ADCY3: variants seen among roughly 807,000 people sequenced by gnomAD.
ADCY3 encodes the protein adenylate cyclase 3.
A neutral mutation model predicts 119.4 loss-of-function variants in ADCY3; 70 were observed. That is an observed-to-expected ratio of 0.59 (90% CI 0.48 to 0.72). The LOEUF (loss-of-function observed/expected upper bound fraction) is 0.72, where lower values mean the gene tolerates loss of function less well. Ranked by LOEUF, ADCY3 falls within the 30% of genes least tolerant of loss-of-function variation. The pLI is 0.00. For synonymous variants in ADCY3, 672 were observed against 621.4 expected (o/e 1.08, Z -1.21); for missense variants, 1,238 against 1,541.6 (o/e 0.80, Z 3.30).
intron 3 of ADCY3, among the ~76,000 whole-genome samples, chr2:24,859,272 A>G (rs1411797502): frequency 6.6e-6 from 1 of 152,216 alleles, no homozygotes; most frequent in African/African-American, 2.4e-5. Context: ...CGGTGCAACG[A>G]GCAAGACGCA....
rs747527097 is a variant in ADCY3, at chr2:24,918,712, C to A, written c.276G>T (p.Val92=). ...VVFAALFDCY[V]VVMCAVVFSS... is the part of the protein sequence containing the mutation. Reference sequence around the variant, plus strand: ...AGAAGACCACAGCACACATGACCACCACGTAGCAGTCAAAGAGGGCTGCAA... The same window carrying A: ...AGAAGACCACAGCACACATGACCACAACGTAGCAGTCAAAGAGGGCTGCAA... The change falls in exon 2 of 22, where the codon GTG becomes GTT. Residue 92 remains valine, a synonymous_variant. Coordinates refer to ENST00000679454, the MANE Select transcript of ADCY3 (RefSeq NM_004036.5). The surrounding 1 kb of genome is among the most constrained non-coding windows in gnomAD (Gnocchi z 5.4). 1.1e-5 allele frequency: 18 copies of A among 1,613,986 alleles called. No individual in the cohort carries two copies. The African/African-American group carries it at 2.0e-4, about 18-fold the overall frequency.
chr2:24,842,532 G>A lies in ADCY3; in HGVS notation c.826-148C>T, dbSNP rs566054745. The A allele has an allele frequency of 1.2e-5, 13 of 1,082,990 alleles. No homozygotes were observed. The highest frequency in any genetic ancestry group is 6.3e-5 in the African/African-American group (4 of 63,450). The allele number at this position is 1,082,990 out of a possible 1,614,324, so 67.1% of individuals were successfully genotyped here. On this transcript the variant is annotated intron_variant, in intron 3 of 21. Transcript: ENST00000679454. This position sits in a 1 kb window ranked among gnomAD's most constrained non-coding sequence, Gnocchi z 4.9. ...CAGAGAGACCTCACAGATCTGCCTC[G>A]GGAGCAGCCAGGGGTCTGGGACAGG...
chr2:24,838,903 CT>C, intron 7 of ADCY3: 1 of 1,560,678 alleles, frequency 6.4e-7, no homozygotes, highest in Non-Finnish European at 8.7e-7. Flanking sequence ...TTTCTTCAAT[CT>C]TTGATCCGCT....
intron 2 of ADCY3, chr2:24,877,853 G>A: frequency 2.1e-6 from 1 of 470,298 alleles, no homozygotes; most frequent in South Asian, 1.6e-5. Context: ...CTTACTTCTG[G>A]GCCCAAGGGC....
chr2:24,837,394 A>G (rs967420069), intron 8 of ADCY3, among the ~76,000 whole-genome samples: 2 of 152,188 alleles, frequency 1.3e-5, no homozygotes, highest in African/African-American at 4.8e-5. Flanking sequence ...CAGGGAAGAC[A>G]CTGGGGGTGG....
Position 24,838,522 on chromosome 2 carries a change from C to T in ADCY3, c.1456G>A (p.Gly486Ser), listed in dbSNP as rs781005762. ...GSRCDYLEEK[G>S]IETYLIIASK... ...GCAATGATGAGGTAGGTTTCAATAC[C>T]CTTCTCTTCTAGGTAATCACAGCGG... is the stretch of plus-strand genomic sequence containing the variant. The change falls in exon 8 of 22, where the codon GGT (glycine) becomes AGT (serine). Residue 486 changes from glycine to serine, a missense_variant. Physicochemically the swap from Gly to Ser is moderately conservative, Grantham distance 56. Transcript: ENST00000679454. 4.3e-6 allele frequency: 7 copies of T among 1,614,126 alleles called. No homozygotes were observed. The East Asian group carries it at 8.9e-5, about 21-fold the overall frequency.
At position 24,911,556 on chromosome 2, in the gene ADCY3, A is replaced by G. The variant is rs533437872; in HGVS notation, c.675+6757T>C. ...TCCCAGCTACTTGGGAGGCTGAGGC[A>G]GGAGAATTGCTTGAACCTGGGAAGC... On this transcript the variant is annotated intron_variant, in intron 2 of 21. Transcript: ENST00000679454. Among the ~76,000 whole-genome samples the G allele has an allele frequency of 2.2e-4, 33 of 150,314 alleles. 1 individual carries two copies. The East Asian group carries it at 4.8e-3, about 22-fold the overall frequency.
At position 24,918,178 on chromosome 2, in the gene ADCY3, G is replaced by C; in HGVS notation, c.675+135C>G. On this transcript the variant is annotated intron_variant, in intron 2 of 21. Coordinates refer to ENST00000679454, the MANE Select transcript of ADCY3 (RefSeq NM_004036.5). This position sits in a 1 kb window ranked among gnomAD's most constrained non-coding sequence, Gnocchi z 5.4. ...CAGGGGTGAAAAGGCAGGGACTAGG[G>C]AGAGAGGTGAGAGCCCCGGAGGCCC... 1 of 943,182 alleles carries C rather than the reference G, an allele frequency of 1.1e-6. No homozygotes were observed. The allele number at this position is 943,182 out of a possible 1,614,324, so 58.4% of individuals were successfully genotyped here.
intron 15 of ADCY3, chr2:24,826,498 C>T (rs937490337): frequency 5.2e-6 from 1 of 193,372 alleles, no homozygotes. Context: ...GACTGGGGTA[C>T]AATCTCACCA....
In ADCY3 at chr2:24,918,650, A is replaced by G; in HGVS notation, c.338T>C (p.Ile113Thr). 1 of 1,614,100 alleles carries G rather than the reference A, an allele frequency of 6.2e-7. No homozygotes were observed. The highest frequency in any genetic ancestry group is 8.5e-7 in the Non-Finnish European group (1 of 1,180,016). The change falls in exon 2 of 22, where the codon ATT (isoleucine) becomes ACT (threonine). Residue 113 changes from isoleucine to threonine, a missense_variant. Physicochemically the swap from Ile to Thr is moderately conservative, Grantham distance 89 (BLOSUM62 -1). Transcript: ENST00000679454. The surrounding 1 kb of genome is among the most constrained non-coding windows in gnomAD (Gnocchi z 5.4). ...DKLASLAVAG[I>T]GLVLDIILFV... ...GAGGATGATGTCCAACACCAGTCCA[A>G]TTCCAGCCACGGCGAGGGAAGCCAG... is the stretch of plus-strand genomic sequence containing the variant.
At chr2:24,903,846 C>T (rs6545809) in intron 2 of ADCY3, among the ~76,000 whole-genome samples, 79,948 of 151,980 alleles carry the variant, frequency 0.53, 23,335 homozygotes, top group African/African-American at 0.8. Flanking sequence ...CTGCCGAGGA[C>T]GAAGATTCTA....
intron 21 of ADCY3, chr2:24,820,506 A>C: frequency 7.1e-7 from 1 of 1,411,338 alleles, no homozygotes; most frequent in Non-Finnish European, 9.2e-7. Context: ...GGCCATATGC[A>C]TCTAGAACTT....
rs186655296 is a variant in ADCY3 at position 24,911,370 on chromosome 2, G to C, written c.675+6943C>G. 3.8e-3 allele frequency among the ~76,000 whole-genome samples: 574 copies of C among 151,460 alleles called. 4 individuals are homozygous for C. The highest frequency in any genetic ancestry group is 0.013 in the African/African-American group (544 of 41,274). ...GTACAAGACACACACCATCAGCCTGGGCGCTGTGGTTCATGCCTGTAATCC... is the reference window on the plus strand; with the variant it reads ...GTACAAGACACACACCATCAGCCTGCGCGCTGTGGTTCATGCCTGTAATCC... On this transcript the variant is annotated intron_variant, in intron 2 of 21. Transcript: ENST00000679454.
In ADCY3 at chr2:24,834,404, C is replaced by G; in HGVS notation, c.1967+81G>C. On this transcript the variant is annotated intron_variant, in intron 11 of 21. Coordinates refer to ENST00000679454, the MANE Select transcript of ADCY3 (RefSeq NM_004036.5). This position sits in a 1 kb window ranked among gnomAD's most constrained non-coding sequence, Gnocchi z 4.2. ...GGCTTGCTCCCCAATGTCAGGCTCC[C>G]GCTGAGACACCTGCCCCCGCCCCCC... is the stretch of plus-strand genomic sequence containing the variant. 1 of 1,294,526 alleles carries G rather than the reference C, an allele frequency of 7.7e-7. No individual in the cohort carries two copies. Among genetic ancestry groups the G allele is most frequent in the Non-Finnish European group, 1.1e-6 (1 of 939,686 alleles). The allele number at this position is 1,294,526 out of a possible 1,614,324, so 80.2% of individuals were successfully genotyped here.
chr2:24,828,244 C>A, intron 13 of ADCY3, 83 bp from the exon 14 acceptor site: 5 of 1,515,086 alleles, frequency 3.3e-6, no homozygotes, highest in Non-Finnish European at 4.5e-6. Context: ...TGGTAGTGCA[C>A]GCTCAGCTGC....
chr2:24,832,065 AGGGGGCAGGGGACAGGGGCCGGGGGC>A (rs1669658201), intron 11 of ADCY3: 1 of 81,932 alleles, frequency 1.2e-5, no homozygotes, highest in Non-Finnish European at 2.2e-5. Flanking sequence ...GGAAGGGGGC[AGGGGGCAGGGGACAGGGGCCGGGGGC>A]AGGGGACGGG....
rs1678562534 is a variant in ADCY3 at position 24,898,648 on chromosome 2, T to C, written c.675+19665A>G. Reference sequence around the variant, plus strand: ...CCTCCCATTTCCGCCTCTGACTTCCTTTCCACAAAGCAAAGGAGCAGAAGC... The same window carrying C: ...CCTCCCATTTCCGCCTCTGACTTCCCTTCCACAAAGCAAAGGAGCAGAAGC... On this transcript the variant is annotated intron_variant, in intron 2 of 21. Transcript: ENST00000679454. This position sits in a 1 kb window ranked among gnomAD's most constrained non-coding sequence, Gnocchi z 4.3. 6.6e-6 allele frequency among the ~76,000 whole-genome samples: 1 copy of C among 152,130 alleles called. No homozygotes were observed. Among genetic ancestry groups the C allele is most frequent in the South Asian group, 2.1e-4 (1 of 4,830 alleles).
At chr2:24,885,667 A>G (rs1676944519) in intron 2 of ADCY3, among the ~76,000 whole-genome samples, 1 of 152,090 alleles carries the variant, frequency 6.6e-6, no homozygotes, top group Non-Finnish European at 1.5e-5. Flanking sequence ...GGACAGACTC[A>G]TCTCCCTGGT....
rs1301650211 is a variant in ADCY3, at chr2:24,822,521, C to G, written c.2993G>C (p.Ser998Thr). The G allele has an allele frequency of 1.2e-6, 2 of 1,613,676 alleles. No individual in the cohort carries two copies. The highest frequency in any genetic ancestry group is 1.7e-6 in the Non-Finnish European group (2 of 1,179,656). Residue 998 changes from serine (S) to threonine (T), a missense_variant, in exon 19 of 22, where the codon AGC becomes ACC. This residue lies in a region of ADCY3 where 63 missense variants were observed against 62.8 expected (regional missense o/e 1.00). Coordinates refer to ENST00000679454, the MANE Select transcript of ADCY3 (RefSeq NM_004036.5). ...TPDVNTNGFASSNKEDKSERE... is the reference protein window; with the variant it reads ...TPDVNTNGFATSNKEDKSERE... ...ACTGGGGTTAGCTACCTTGTTGGAG[C>G]TGGCAAAGCCATTGGTGTTGACATC...
Sources: allele counts gnomAD v4.1 joint callset (sites outside exome capture counted in the v4.1 genomes callset), GRCh38; gene constraint gnomAD v4.1.1; regional missense constraint gnomAD v4.1.1; non-coding constraint Gnocchi (gnomAD v3.1); transcripts MANE v1.5; gene names NCBI Gene and HGNC (gene_info 2026-07-23, HGNC 2026-07-21).